The following RPGR variants were observed in gnomAD, a reference collection of about 807,000 sequenced individuals.
RPGR encodes X-linked retinitis pigmentosa GTPase regulator.
A neutral mutation model predicts 56.3 loss-of-function variants in RPGR; 10 were observed. That is an observed-to-expected ratio of 0.18 (90% CI 0.11 to 0.30). The LOEUF is 0.30. Among genes scored for constraint, RPGR ranks in the 10% least tolerant of loss-of-function variants. RPGR has a pLI of 1.00. For synonymous variants in RPGR, 197 were observed against 212.9 expected, an observed-to-expected ratio of 0.93 and a Z score of 0.65; for missense variants, 538 against 590.9, an observed-to-expected ratio of 0.91 and a Z score of 0.93.
At chrX:38,310,853 G>C in intron 6 of RPGR, 80 bp from the exon 7 acceptor site, 1 of 891,796 alleles carries the variant, frequency 1.1e-6, no homozygotes. Flanking sequence ...AAAAAGTTTT[G>C]ACAAGGATCA....
chrX:38,307,683 G>C (rs2067629355), intron 7 of RPGR, among the ~76,000 whole-genome samples: 1 of 111,578 alleles, frequency 9.0e-6, no homozygotes, highest in African/African-American at 3.3e-5. Context: ...TCATCAGCTA[G>C]GACTAAATAT....
intron 1 of RPGR, among the ~76,000 whole-genome samples, chrX:38,325,029 G>A (rs2068021190): frequency 9.4e-6 from 1 of 106,694 alleles, no homozygotes; most frequent in African/African-American, 3.4e-5. Flanking sequence ...AATTAGCCGG[G>A]CGTGGTGGTG....
intron 15 of RPGR, among the ~76,000 whole-genome samples, chrX:38,279,910 A>AT (rs1253160008): frequency 6.1e-4 from 65 of 107,279 alleles, no homozygotes; most frequent in Non-Finnish European, 9.7e-4. Flanking sequence ...TCAAGTATAT[A>AT]TTTTTTTTTT....
chrX:38,327,503 C>A lies in RPGR; in HGVS notation c.-136G>T. 4 of 579,017 alleles carry A rather than the reference C, an allele frequency of 6.9e-6. No individual in the cohort carries two copies. Among genetic ancestry groups the A allele is most frequent in the South Asian group, 7.0e-5 (2 of 28,648 alleles). 47.7% of individuals were successfully genotyped at this position (579,017 alleles called of 1,213,427 possible). ...TTCCGCATGGCGAAACTCCGGAGAT[C>A]AACTACAACCGCGCTCCCGGAAGTC... On this transcript the variant is annotated 5_prime_UTR_variant, in exon 1 of 19. Coordinates refer to ENST00000642395, the MANE Select transcript of RPGR (RefSeq NM_000328.3).
intron 2 of RPGR, among the ~76,000 whole-genome samples, chrX:38,323,147 T>A (rs748835955): frequency 4.4e-4 from 49 of 112,236 alleles, no homozygotes; most frequent in African/African-American, 1.2e-3. Flanking sequence ...CAGGTTTTTT[T>A]AAAAAATTAT....
At chrX:38,321,478 C>A (rs747314370) in intron 3 of RPGR, among the ~76,000 whole-genome samples, 1 of 110,849 alleles carries the variant, frequency 9.0e-6, no homozygotes, top group South Asian at 3.8e-4. Context: ...CATGGTGAAA[C>A]CCCTTCTCTA....
intron 16 of RPGR, chrX:38,276,494 T>C: frequency 1.1e-6 from 1 of 883,846 alleles, no homozygotes; most frequent in African/African-American, 2.0e-5. Context: ...GTATTTCTGA[T>C]CCCAAAGGCA....
At chrX:38,284,524 T>C in intron 15 of RPGR, 5 of 746,454 alleles carry the variant, frequency 6.7e-6, no homozygotes, top group Non-Finnish European at 7.9e-6. Flanking sequence ...ATGAAGGCTC[T>C]GATAAAGTAC....
At chrX:38,300,091 A>T (rs2147235454) in intron 9 of RPGR, among the ~76,000 whole-genome samples, 1 of 111,341 alleles carries the variant, frequency 9.0e-6, no homozygotes, top group South Asian at 3.8e-4. Context: ...CTGGGATTAC[A>T]GGCACCTGCC....
intron 11 of RPGR, chrX:38,296,274 C>T (rs1471899584): frequency 9.0e-6 from 1 of 111,053 alleles, no homozygotes; most frequent in Non-Finnish European, 1.9e-5. Flanking sequence ...CAGATTGCGC[C>T]ACTGCACTCC....
intron 11 of RPGR, among the ~76,000 whole-genome samples, chrX:38,292,420 A>G (rs930684658): frequency 1.8e-5 from 2 of 112,062 alleles, no homozygotes; most frequent in African/African-American, 3.2e-5. Flanking sequence ...TTGACTTTAC[A>G]TTTTTCTCAG....
chrX:38,276,573 A>G, intron 16 of RPGR: 1 of 1,206,176 alleles, frequency 8.3e-7, no homozygotes, highest in South Asian at 1.8e-5. Context: ...GGATTTAAGC[A>G]TCTATCATCA....
At chrX:38,272,921 G>A (rs1045611557) in intron 18 of RPGR, among the ~76,000 whole-genome samples, 3 of 111,800 alleles carry the variant, frequency 2.7e-5, no homozygotes, top group African/African-American at 9.8e-5. Flanking sequence ...GGACATCTGA[G>A]TAAAAAAGTA....
chrX:38,313,768 C>T (rs1015266567), intron 6 of RPGR, among the ~76,000 whole-genome samples: 2 of 111,414 alleles, frequency 1.8e-5, no homozygotes, highest in African/African-American at 6.6e-5. Context: ...GAAATATATT[C>T]GTACTTGAAA....
chrX:38,298,086 G>A (rs1417975003), intron 10 of RPGR, among the ~76,000 whole-genome samples: 1 of 109,957 alleles, frequency 9.1e-6, no homozygotes, highest in Non-Finnish European at 1.9e-5. Flanking sequence ...TGGCCAGCAT[G>A]GTGAAACCCC....
At chrX:38,289,038 G>A (rs2147206630) in intron 13 of RPGR, among the ~76,000 whole-genome samples, 1 of 110,877 alleles carries the variant, frequency 9.0e-6, no homozygotes, top group South Asian at 3.8e-4. Flanking sequence ...CATCTTGGCC[G>A]CCCAAAGTGC....
At chrX:38,305,181 C>A (rs889678556) in intron 7 of RPGR, among the ~76,000 whole-genome samples, 1 of 111,247 alleles carries the variant, frequency 9.0e-6, no homozygotes. Context: ...TTTGGGAGGA[C>A]GAGGCGGGTG....
At chrX:38,302,448 T>C (rs1193522549) in intron 8 of RPGR, among the ~76,000 whole-genome samples, 1 of 111,314 alleles carries the variant, frequency 9.0e-6, no homozygotes, top group Admixed American at 9.5e-5. Flanking sequence ...AGGCAACTAA[T>C]ACCCCTGAAG....
chrX:38,295,664 A>G (rs1329962029), intron 11 of RPGR, among the ~76,000 whole-genome samples: 1 of 111,866 alleles, frequency 8.9e-6, no homozygotes, highest in African/African-American at 3.2e-5. Context: ...GGTGCAAGAA[A>G]TCAGCTCATT....
Sources: gnomAD v4.1 joint callset for allele counts (sites outside exome capture counted in the v4.1 genomes callset) on GRCh38, gnomAD v4.1.1 for gene constraint, MANE v1.5 for transcripts, NCBI Gene and HGNC (gene_info 2026-07-23, HGNC 2026-07-21) for gene names.